DDC: variants seen among roughly 807,000 people sequenced by gnomAD.
DDC encodes aromatic-L-amino-acid decarboxylase.
In DDC, 43 loss-of-function variants were observed where a neutral mutation model predicts 60.0. The ratio of observed to expected loss-of-function variants is 0.72; its 90% confidence interval spans 0.56 to 0.92. The LOEUF (loss-of-function observed/expected upper bound fraction) is 0.92, where lower values mean the gene tolerates loss of function less well. Among genes scored for constraint, DDC ranks in the 40% least tolerant of loss-of-function variants. DDC has a pLI of 0.00. For synonymous variants in DDC, 232 were observed against 234.6 expected, an observed-to-expected ratio of 0.99 and a Z score of 0.10; for missense variants, 573 against 620.2, an observed-to-expected ratio of 0.92 and a Z score of 0.81.
At chr7:50,461,616 A>G (rs2042274748) in intron 14 of DDC, among the ~76,000 whole-genome samples, 1 of 152,198 alleles carries the variant, frequency 6.6e-6, no homozygotes, top group Non-Finnish European at 1.5e-5. Context: ...ATACATGCTT[A>G]TGAGACAGAT....
intron 14 of DDC, among the ~76,000 whole-genome samples, chr7:50,459,393 G>A (rs186587342): frequency 2.2e-4 from 33 of 152,352 alleles, no homozygotes; most frequent in African/African-American, 7.9e-4. Flanking sequence ...GTTGGGAAGT[G>A]CGGAGCGTCT....
intron 12 of DDC, among the ~76,000 whole-genome samples, chr7:50,469,286 G>A (rs1046577458): frequency 4.0e-5 from 6 of 151,224 alleles, no homozygotes; most frequent in Non-Finnish European, 7.4e-5. Flanking sequence ...AAGCAGGGGA[G>A]TGGGGCTTGG....
At chr7:50,537,566 T>C (rs2153548379) in intron 4 of DDC, among the ~76,000 whole-genome samples, 1 of 152,354 alleles carries the variant, frequency 6.6e-6, no homozygotes, top group Admixed American at 6.5e-5. Context: ...GTTGCTGTAG[T>C]TGTTACTTCC....
At position 50,551,440 on chromosome 7, in the gene DDC, C is replaced by A. The variant is rs571381301; in HGVS notation, c.-28-7327G>T. On this transcript the variant is annotated intron_variant, in intron 1 of 14. Coordinates refer to ENST00000444124, the MANE Select transcript of DDC (RefSeq NM_001082971.2). Reference sequence around the variant, plus strand: ...TAGAAACAGGGTTTCACCATGTTGGCCAGGCTGGTCTCTAACTCCTGACCT... The same window carrying A: ...TAGAAACAGGGTTTCACCATGTTGGACAGGCTGGTCTCTAACTCCTGACCT... 2.6e-4 allele frequency among the ~76,000 whole-genome samples: 39 copies of A among 152,082 alleles called. 1 individual carries two copies. The South Asian group carries it at 7.7e-3, about 30-fold the overall frequency.
intron 9 of DDC, among the ~76,000 whole-genome samples, chr7:50,482,001 T>C (rs554867962): frequency 1.3e-5 from 2 of 152,364 alleles, no homozygotes; most frequent in Non-Finnish European, 1.5e-5. Context: ...CATTTATTGA[T>C]AGACAAACTA....
chr7:50,516,232 C>T (rs1334871437), intron 6 of DDC, among the ~76,000 whole-genome samples: 4 of 152,216 alleles, frequency 2.6e-5, no homozygotes, highest in Non-Finnish European at 5.9e-5. Context: ...GGCACTCTCT[C>T]AGACCACAGT....
intron 11 of DDC, among the ~76,000 whole-genome samples, chr7:50,474,754 A>G (rs938261223): frequency 6.6e-6 from 1 of 152,246 alleles, no homozygotes; most frequent in Non-Finnish European, 1.5e-5. Context: ...CGGAGTTTTT[A>G]GCAAAGCCTA....
chr7:50,543,360 C>T (rs1039716234), intron 2 of DDC: 1 of 195,276 alleles, frequency 5.1e-6, no homozygotes, highest in Admixed American at 5.3e-5. Flanking sequence ...GATTTCTGCC[C>T]TCTGTGTACC....
rs2043139357 is a variant in DDC at position 50,496,899 on chromosome 7, T to C, written c.877-1482A>G. Among the ~76,000 whole-genome samples the C allele has an allele frequency of 2.0e-5, 3 of 152,202 alleles. No homozygotes were observed. In the South Asian group the frequency reaches 6.2e-4, roughly 31 times the overall value. On this transcript the variant is annotated intron_variant, in intron 8 of 14. Coordinates refer to ENST00000444124, the MANE Select transcript of DDC (RefSeq NM_001082971.2). ...AGGCATTTGGTTGGTGGATGACAAC[T>C]TTCCACTGCTCTGGAGACCCAGGTT...
At chr7:50,541,673 T>A (rs2044638243) in intron 2 of DDC, among the ~76,000 whole-genome samples, 1 of 152,164 alleles carries the variant, frequency 6.6e-6, no homozygotes, top group East Asian at 1.9e-4. Flanking sequence ...ATCTCAGACT[T>A]CCTGTCTCTA....
At chr7:50,563,850 C>G (rs1187677765) in intron 1 of DDC, 2 of 152,208 alleles carry the variant, frequency 1.3e-5, no homozygotes, top group South Asian at 4.1e-4. Flanking sequence ...GATCTGCCCG[C>G]CTTAGCCTCC....
chr7:50,459,036 C>T (rs1562973184), intron 14 of DDC, among the ~76,000 whole-genome samples, 193 bp from the exon 15 acceptor site: 1 of 152,144 alleles, frequency 6.6e-6, no homozygotes. Context: ...GCTGCCATCT[C>T]GGCTCACTGC....
chr7:50,473,903 C>A (rs138997229), intron 11 of DDC, among the ~76,000 whole-genome samples: 7 of 152,338 alleles, frequency 4.6e-5, no homozygotes, highest in Non-Finnish European at 1.0e-4. Flanking sequence ...GCGTGGTCTG[C>A]GCCTCTGTCT....
At chr7:50,530,065 T>C (rs1161795423) in intron 4 of DDC, among the ~76,000 whole-genome samples, 1 of 152,122 alleles carries the variant, frequency 6.6e-6, no homozygotes, top group African/African-American at 2.4e-5. Context: ...GAGACCAGCC[T>C]GGGCAACATA....
chr7:50,484,934 CCAG>C (rs2042850683), intron 9 of DDC, among the ~76,000 whole-genome samples: 2 of 152,096 alleles, frequency 1.3e-5, no homozygotes, highest in Admixed American at 1.3e-4. Flanking sequence ...TAAAGGGTTC[CCAG>C]ATCTAAGTGC....
At chr7:50,513,152 G>A (rs866421235) in intron 6 of DDC, among the ~76,000 whole-genome samples, 10 of 152,202 alleles carry the variant, frequency 6.6e-5, no homozygotes, top group South Asian at 2.1e-4. Context: ...CCTAAGTACT[G>A]TGAGTGCCCC....
At chr7:50,485,672 A>AT (rs1226036049) in intron 9 of DDC, among the ~76,000 whole-genome samples, 7 of 152,166 alleles carry the variant, frequency 4.6e-5, no homozygotes, top group Non-Finnish European at 8.8e-5. Context: ...AAGTGTCCTT[A>AT]TTATCTGTGT....
rs11575491 is a variant in DDC at position 50,470,689 on chromosome 7, G to A, written c.1042-518C>T. The stretch of plus-strand genomic sequence containing the variant: ...CCCTCTTGGTCCTACTGATCACCAT[G>A]GAGTGACCCCAAGACCCCTCATCAG... On this transcript the variant is annotated intron_variant, in intron 11 of 14. Transcript: ENST00000444124. 1.4e-3 allele frequency among the ~76,000 whole-genome samples: 207 copies of A among 152,304 alleles called. 2 individuals are homozygous for A. Among genetic ancestry groups the A allele is most frequent in the African/African-American group, 4.9e-3 (205 of 41,560 alleles).
intron 4 of DDC, chr7:50,531,817 G>C (rs1282189510): frequency 6.6e-6 from 1 of 152,164 alleles, no homozygotes; most frequent in Non-Finnish European, 1.5e-5. Context: ...ATGTGGTACA[G>C]AGCAGGAACG....
Sources: allele counts gnomAD v4.1 joint callset (sites outside exome capture counted in the v4.1 genomes callset), GRCh38; gene constraint gnomAD v4.1.1; transcripts MANE v1.5; gene names NCBI Gene and HGNC (gene_info 2026-07-23, HGNC 2026-07-21).